Variants in POU2F1 observed in about 807,000 individuals in gnomAD.
The protein encoded by POU2F1 is POU domain, class 2, transcription factor 1.
POU2F1 carries 16 observed loss-of-function variants against 84.9 expected under a neutral mutation model. That is an observed-to-expected ratio of 0.19 (90% CI 0.13 to 0.29). The LOEUF is 0.29. Ranked by LOEUF, POU2F1 falls within the 10% of genes least tolerant of loss-of-function variation. The pLI, the probability that POU2F1 is intolerant of heterozygous loss-of-function variation, is 1.00. For synonymous variants in POU2F1, 368 were observed against 368.3 expected, an observed-to-expected ratio of 1.00 and a Z score of 0.01; for missense variants, 738 against 942.6, an observed-to-expected ratio of 0.78 and a Z score of 2.84.
intron 1 of POU2F1, among the ~76,000 whole-genome samples, chr1:167,238,979 C>G (rs373236833): frequency 9.5e-4 from 144 of 152,266 alleles, no homozygotes; most frequent in African/African-American, 3.4e-3. Flanking sequence ...CTCCCCTTTC[C>G]TATTCTGAAT....
chr1:167,380,135 A>G (rs920005618), intron 7 of POU2F1: 5 of 152,234 alleles, frequency 3.3e-5, no homozygotes, highest in Admixed American at 6.5e-5. Context: ...AGCAAAGAGC[A>G]TAGACTCTAA....
At chr1:167,316,840 A>G (rs1655937782) in intron 1 of POU2F1, among the ~76,000 whole-genome samples, 1 of 152,198 alleles carries the variant, frequency 6.6e-6, no homozygotes, top group African/African-American at 2.4e-5. Flanking sequence ...GATTTAAGAA[A>G]TTGAATCAGA....
intron 1 of POU2F1, among the ~76,000 whole-genome samples, chr1:167,273,290 C>A (rs1041740863): frequency 3.3e-5 from 5 of 152,142 alleles, no homozygotes; most frequent in Admixed American, 3.3e-4. Flanking sequence ...CAGAACAAGC[C>A]GTCAGTAGAT....
At chr1:167,258,467 GT>G (rs1304528907) in intron 1 of POU2F1, among the ~76,000 whole-genome samples, 1 of 152,086 alleles carries the variant, frequency 6.6e-6, no homozygotes, top group Non-Finnish European at 1.5e-5. Context: ...GCATTAATTT[GT>G]TTTGCTTTCT....
chr1:167,384,069 C>A, intron 8 of POU2F1, 118 bp downstream of exon 8: 1 of 815,562 alleles, frequency 1.2e-6, no homozygotes, highest in Non-Finnish European at 1.8e-6. Context: ...GAAAACTGAC[C>A]AGAAAATCAA....
In POU2F1 at chr1:167,389,730, A is replaced by G. The variant is rs1454365242; in HGVS notation, c.956A>G (p.Lys319Arg). The change falls in exon 9 of 16, where the codon AAA becomes AGA. Residue 319 changes from lysine to arginine, a missense_variant. Lys to Arg is a conservative substitution (Grantham distance 26). Coordinates refer to ENST00000367866, the MANE Select transcript of POU2F1 (RefSeq NM_002697.4). ...CTTGAGCAGTTTGCCAAGACCTTCA[A>G]ACAAAGACGAATCAAACTTGGATTC... is the stretch of plus-strand genomic sequence containing the variant. ...EELEQFAKTFKQRRIKLGFTQ... is the reference protein window; with the variant it reads ...EELEQFAKTFRQRRIKLGFTQ... 1 of 1,613,904 alleles carries G rather than the reference A, an allele frequency of 6.2e-7. No individual in the cohort carries two copies. The highest frequency in any genetic ancestry group is 8.5e-7 in the Non-Finnish European group (1 of 1,179,970).
intron 1 of POU2F1, among the ~76,000 whole-genome samples, chr1:167,299,331 A>G (rs1654499128): frequency 6.6e-6 from 1 of 152,158 alleles, no homozygotes; most frequent in South Asian, 2.1e-4. Flanking sequence ...GTTTTTTAAA[A>G]AAATCTTACA....
At chr1:167,358,512 C>T (rs1346304067) in intron 2 of POU2F1, among the ~76,000 whole-genome samples, 1 of 151,868 alleles carries the variant, frequency 6.6e-6, no homozygotes, top group Non-Finnish European at 1.5e-5. Flanking sequence ...GTAAAATCAA[C>T]AAGGCTTTTT....
At chr1:167,324,693 A>G (rs935119659) in intron 1 of POU2F1, among the ~76,000 whole-genome samples, 1 of 152,170 alleles carries the variant, frequency 6.6e-6, no homozygotes, top group Non-Finnish European at 1.5e-5. Context: ...TTTAGTAGCT[A>G]TGTGACCCTA....
chr1:167,273,007 A>G (rs1652478174), intron 1 of POU2F1, among the ~76,000 whole-genome samples: 1 of 152,204 alleles, frequency 6.6e-6, no homozygotes, highest in Non-Finnish European at 1.5e-5. Flanking sequence ...ACACGGGTAC[A>G]GGCATTGAGT....
intron 1 of POU2F1, among the ~76,000 whole-genome samples, chr1:167,242,361 T>C (rs1478998519): frequency 6.6e-6 from 1 of 152,232 alleles, no homozygotes; most frequent in East Asian, 1.9e-4. Context: ...TTGGAAAATG[T>C]GTTTCCTGTT....
At chr1:167,401,589 C>A in intron 13 of POU2F1, 33 bp downstream of exon 13, 3 of 1,485,702 alleles carry the variant, frequency 2.0e-6, no homozygotes, top group Non-Finnish European at 2.8e-6. Flanking sequence ...ACCTGCTGAG[C>A]ACATGGGAGG....
chr1:167,283,307 GA>G (rs140555612), intron 1 of POU2F1, among the ~76,000 whole-genome samples: 21 of 146,940 alleles, frequency 1.4e-4, no homozygotes, highest in South Asian at 6.5e-4. Context: ...CAAAAAGGAG[GA>G]AAAAAAAAAG....
chr1:167,365,471 A>C lies in POU2F1; in HGVS notation c.132A>C (p.Thr44=), dbSNP rs186482381. ...SMESGDGNTG[T]QTNGLDFQKQ... Reference sequence around the variant, plus strand: ...ATTATTTTGCTTGCTTTCTAGGCACACAAACCAATGGTCTGGACTTTCAGA... The same window carrying C: ...ATTATTTTGCTTGCTTTCTAGGCACCCAAACCAATGGTCTGGACTTTCAGA... Residue 44 remains threonine, a synonymous_variant, in exon 3 of 16, where the codon ACA becomes ACC. Transcript: ENST00000367866. 2.5e-6 allele frequency: 4 copies of C among 1,578,558 alleles called. No individual in the cohort carries two copies. In the African/African-American group the frequency reaches 5.5e-5, roughly 22 times the overall value.
Position 167,312,039 on chromosome 1 carries a change from A to G in POU2F1, c.62-20431A>G, listed in dbSNP as rs916779931. ...AACCTCTGCCTCCTGGGTTCAAGCAATTCTCCTGCCTCAGCCTCCTGAGTA... is the reference window on the plus strand; with the variant it reads ...AACCTCTGCCTCCTGGGTTCAAGCAGTTCTCCTGCCTCAGCCTCCTGAGTA... On this transcript the variant is annotated intron_variant, in intron 1 of 15. Coordinates refer to ENST00000367866, the MANE Select transcript of POU2F1 (RefSeq NM_002697.4). 1.3e-4 allele frequency among the ~76,000 whole-genome samples: 19 copies of G among 151,956 alleles called. No individual in the cohort carries two copies. The East Asian group carries it at 3.3e-3, about 26-fold the overall frequency.
At chr1:167,341,849 G>A (rs1657882716) in intron 2 of POU2F1, among the ~76,000 whole-genome samples, 1 of 152,198 alleles carries the variant, frequency 6.6e-6, no homozygotes, top group Non-Finnish European at 1.5e-5. Flanking sequence ...TTGAGCGGTG[G>A]AGGTGGCTCT....
chr1:167,299,956 G>A (rs1654563538), intron 1 of POU2F1, among the ~76,000 whole-genome samples: 1 of 152,110 alleles, frequency 6.6e-6, no homozygotes, highest in South Asian at 2.1e-4. Flanking sequence ...ACTGATCCGG[G>A]TACTGCCCTT....
At chr1:167,239,704 G>A (rs1649760284) in intron 1 of POU2F1, among the ~76,000 whole-genome samples, 1 of 152,182 alleles carries the variant, frequency 6.6e-6, no homozygotes, top group Non-Finnish European at 1.5e-5. Context: ...CATTAAGCTA[G>A]AGTTTAGGTG....
Position 167,271,218 on chromosome 1 carries a change from G to C in POU2F1, c.61+50260G>C, listed in dbSNP as rs557807672. On this transcript the variant is annotated intron_variant, in intron 1 of 15. Coordinates refer to ENST00000367866, the MANE Select transcript of POU2F1 (RefSeq NM_002697.4). The stretch of plus-strand genomic sequence containing the variant: ...TTAGACAAATAGTAAATTTTAAAAA[G>C]AATAAAAATTAAAAAGAACACCTAA... Among the ~76,000 whole-genome samples the C allele has an allele frequency of 1.4e-4, 21 of 152,112 alleles. No homozygotes were observed. The East Asian group carries it at 3.1e-3, about 22-fold the overall frequency.
Sources: gnomAD v4.1 joint callset for allele counts (sites outside exome capture counted in the v4.1 genomes callset) on GRCh38, gnomAD v4.1.1 for gene constraint, MANE v1.5 for transcripts, NCBI Gene and HGNC (gene_info 2026-07-23, HGNC 2026-07-21) for gene names.